Variants in GRIN2A observed in about 807,000 individuals in gnomAD.
The protein encoded by GRIN2A is glutamate receptor ionotropic, NMDA 2A.
GRIN2A carries 22 observed loss-of-function variants against 113.4 expected under a neutral mutation model. The ratio of observed to expected loss-of-function variants is 0.19; its 90% CI spans 0.14 to 0.28. GRIN2A has a LOEUF of 0.28. Among genes scored for constraint, GRIN2A ranks in the 10% least tolerant of loss-of-function variants. The probability of loss-of-function intolerance (pLI) is 1.00; values close to 1 mark genes in which losing one functional copy is unlikely to be tolerated. For synonymous variants in GRIN2A, 827 were observed against 738.4 expected, an observed-to-expected ratio of 1.12 and a Z score of -1.94; for missense variants, 1,502 against 1,887.0, an observed-to-expected ratio of 0.80 and a Z score of 3.78.
intron 3 of GRIN2A, among the ~76,000 whole-genome samples, chr16:9,906,628 T>C (rs763926598): frequency 1.8e-4 from 28 of 152,188 alleles, no homozygotes; most frequent in Admixed American, 3.9e-4. Flanking sequence ...GATGAGTTCA[T>C]TCCCTATCTC....
At position 10,180,544 on chromosome 16, in the gene GRIN2A, G is replaced by A; in HGVS notation, c.-18-115C>T. The stretch of plus-strand genomic sequence containing the variant: ...AGGCATGGAACTCAGCAGCAGGATA[G>A]GCTGCTGGGATCACGGACTCCATTC... On this transcript the variant is annotated intron_variant, in intron 1 of 12. Transcript: ENST00000330684. The surrounding 1 kb of genome is among the most constrained non-coding windows in gnomAD (Gnocchi z 7.0). 6.6e-7 allele frequency: 1 copy of A among 1,503,846 alleles called. No individual in the cohort carries two copies. Among genetic ancestry groups the A allele is most frequent in the Non-Finnish European group, 8.9e-7 (1 of 1,129,716 alleles). 93.2% of individuals were successfully genotyped at this position (1,503,846 alleles called of 1,614,324 possible).
intron 2 of GRIN2A, among the ~76,000 whole-genome samples, chr16:10,124,669 T>C (rs569836608): frequency 1.7e-4 from 26 of 152,224 alleles, no homozygotes; most frequent in Non-Finnish European, 3.1e-4. Context: ...TAGAGAGCTA[T>C]CCATTCATTC....
chr16:10,104,791 G>A (rs2048463542), intron 2 of GRIN2A, among the ~76,000 whole-genome samples: 1 of 152,148 alleles, frequency 6.6e-6, no homozygotes, highest in Non-Finnish European at 1.5e-5. Flanking sequence ...ACCCCACTGT[G>A]TGCAGGGGCC....
At chr16:10,169,896 A>C (rs928803142) in intron 2 of GRIN2A, among the ~76,000 whole-genome samples, 4 of 152,112 alleles carry the variant, frequency 2.6e-5, no homozygotes, top group Non-Finnish European at 5.9e-5. Flanking sequence ...CTCCACATAT[A>C]TTTCTAGATA....
intron 5 of GRIN2A, among the ~76,000 whole-genome samples, chr16:9,848,158 A>G (rs1019596484): frequency 2.7e-5 from 4 of 148,508 alleles, no homozygotes; most frequent in Non-Finnish European, 5.9e-5. Flanking sequence ...ATGTAAAAAT[A>G]TATGTTTTAT....
chr16:10,030,521 C>T (rs1435224398), intron 2 of GRIN2A, among the ~76,000 whole-genome samples: 7 of 152,194 alleles, frequency 4.6e-5, no homozygotes, highest in East Asian at 1.9e-4. Flanking sequence ...GGTGAAGATG[C>T]TACCTGAAAA....
chr16:9,951,378 C>A (rs984323801), intron 2 of GRIN2A, among the ~76,000 whole-genome samples: 4 of 152,240 alleles, frequency 2.6e-5, no homozygotes, highest in African/African-American at 7.2e-5. Flanking sequence ...TGGAGACCAG[C>A]AGACCAAATA....
intron 4 of GRIN2A, among the ~76,000 whole-genome samples, chr16:9,866,950 T>C (rs1333417020): frequency 2.0e-5 from 3 of 152,170 alleles, no homozygotes; most frequent in African/African-American, 7.2e-5. Flanking sequence ...AATCCACAGC[T>C]CTCATTCAGG....
chr16:10,094,896 A>G (rs2048256870), intron 2 of GRIN2A, among the ~76,000 whole-genome samples: 1 of 151,156 alleles, frequency 6.6e-6, no homozygotes, highest in Admixed American at 6.6e-5. Flanking sequence ...AAAAAAAAAA[A>G]AAAAAAAAAT....
At chr16:10,066,996 G>A (rs1349552396) in intron 2 of GRIN2A, among the ~76,000 whole-genome samples, 1 of 152,154 alleles carries the variant, frequency 6.6e-6, no homozygotes, top group African/African-American at 2.4e-5. Context: ...ACACTCCCTA[G>A]CTCACGATAT....
At chr16:10,085,059 T>C (rs1221432600) in intron 2 of GRIN2A, among the ~76,000 whole-genome samples, 1 of 152,208 alleles carries the variant, frequency 6.6e-6, no homozygotes, top group East Asian at 1.9e-4. Flanking sequence ...CATTCCCATA[T>C]TGGGAAGAAA....
At chr16:9,894,645 C>T (rs16966622) in intron 3 of GRIN2A, among the ~76,000 whole-genome samples, 4,038 of 152,184 alleles carry the variant, frequency 0.027, 182 homozygotes, top group African/African-American at 0.092. Flanking sequence ...AGCAGGACTT[C>T]AAAGTAACTA....
rs946529483 is a variant in GRIN2A at position 9,978,256 on chromosome 16, G to C, written c.415-39705C>G. On this transcript the variant is annotated intron_variant, in intron 2 of 12. Coordinates refer to ENST00000330684, the MANE Select transcript of GRIN2A (RefSeq NM_001134407.3). ...CCACTCACTTTTCAAAGTATCCACG[G>C]AGAAGCTATGTGACTCAGGCAAATG... Among the ~76,000 whole-genome samples, 22 of 152,320 alleles carry C rather than the reference G, an allele frequency of 1.4e-4. No individual in the cohort carries two copies. In the South Asian group the frequency reaches 1.7e-3, roughly 11 times the overall value.
intron 5 of GRIN2A, among the ~76,000 whole-genome samples, chr16:9,845,509 G>A (rs904846508): frequency 4.6e-5 from 7 of 152,064 alleles, no homozygotes; most frequent in Non-Finnish European, 1.0e-4. Context: ...TCTTCATCGG[G>A]CCAAGTTCTG....
chr16:9,907,603 C>G (rs2044051929), intron 3 of GRIN2A, among the ~76,000 whole-genome samples: 1 of 151,974 alleles, frequency 6.6e-6, no homozygotes, highest in Non-Finnish European at 1.5e-5. Flanking sequence ...GTCAATTTTA[C>G]TAGATATTAT....
At chr16:10,051,393 T>G (rs1433794243) in intron 2 of GRIN2A, among the ~76,000 whole-genome samples, 7 of 152,100 alleles carry the variant, frequency 4.6e-5, no homozygotes, top group East Asian at 1.9e-4. Flanking sequence ...AATAAAACAT[T>G]GGGAAGAAAA....
At chr16:9,804,219 T>C (rs886248524) in intron 10 of GRIN2A, among the ~76,000 whole-genome samples, 7 of 152,150 alleles carry the variant, frequency 4.6e-5, no homozygotes, top group Non-Finnish European at 8.8e-5. Context: ...TAGTAGACAG[T>C]GTCAGAGTAT....
intron 3 of GRIN2A, among the ~76,000 whole-genome samples, chr16:9,906,567 G>A (rs2044032014): frequency 6.6e-6 from 1 of 152,100 alleles, no homozygotes; most frequent in Admixed American, 6.6e-5. Flanking sequence ...CAACTAGAAG[G>A]GATCACTGTC....
intron 12 of GRIN2A, among the ~76,000 whole-genome samples, chr16:9,767,961 C>A (rs528323080): frequency 6.6e-6 from 1 of 152,360 alleles, no homozygotes; most frequent in South Asian, 2.1e-4. Context: ...TGCATAGCAG[C>A]ATTAGTAGTG....
Sources: gnomAD v4.1 joint callset for allele counts (sites outside exome capture counted in the v4.1 genomes callset) on GRCh38, gnomAD v4.1.1 for gene constraint, Gnocchi (gnomAD v3.1) non-coding constraint, MANE v1.5 for transcripts, NCBI Gene and HGNC (gene_info 2026-07-23, HGNC 2026-07-21) for gene names.